CSMD1: variants seen among roughly 807,000 people sequenced by gnomAD.
The protein encoded by CSMD1 is CUB and sushi domain-containing protein 1.
In CSMD1, 213 loss-of-function variants were observed where a neutral mutation model predicts 417.5. That is an observed-to-expected ratio of 0.51 (90% CI 0.46 to 0.57). The LOEUF (loss-of-function observed/expected upper bound fraction) is 0.57, where lower values mean the gene tolerates loss of function less well. Ranked by LOEUF, CSMD1 falls within the 20% of genes least tolerant of loss-of-function variation. The pLI is 0.00. For missense variants in CSMD1, 6,923 were observed against 4,529.7 expected (o/e 1.53, Z -15.17); for synonymous variants, 2,862 against 1,736.8 (o/e 1.65, Z -16.11).
At chr8:4,375,365 G>C (rs1477537845) in intron 3 of CSMD1, among the ~76,000 whole-genome samples, 2 of 152,032 alleles carry the variant, frequency 1.3e-5, no homozygotes, top group South Asian at 2.1e-4. Flanking sequence ...ATCCACACAG[G>C]GGCACTTTTG....
chr8:4,154,598 GA>G (rs1335888374), intron 3 of CSMD1, among the ~76,000 whole-genome samples: 1 of 152,158 alleles, frequency 6.6e-6, no homozygotes, highest in Non-Finnish European at 1.5e-5. Flanking sequence ...TTGGCAATAG[GA>G]ATGCATGAGC....
chr8:3,793,062 C>A (rs1008204535), intron 5 of CSMD1, among the ~76,000 whole-genome samples: 5 of 152,026 alleles, frequency 3.3e-5, no homozygotes, highest in African/African-American at 9.7e-5. Context: ...AGTAAAACAC[C>A]CAAAAGAGTA....
At chr8:3,244,379 C>G (rs957555313) in intron 26 of CSMD1, among the ~76,000 whole-genome samples, 19 of 152,140 alleles carry the variant, frequency 1.2e-4, no homozygotes, top group African/African-American at 4.3e-4. Flanking sequence ...GACGTGTCCT[C>G]CCCCATTACC....
intron 5 of CSMD1, among the ~76,000 whole-genome samples, chr8:3,970,686 GTATATT>G (rs1476996939): frequency 5.3e-5 from 8 of 152,142 alleles, no homozygotes; most frequent in African/African-American, 1.9e-4. Context: ...CTAATAAAAT[GTATATT>G]TATATGTCCA....
At chr8:3,355,971 G>A (rs571419148) in intron 21 of CSMD1, among the ~76,000 whole-genome samples, 5 of 152,128 alleles carry the variant, frequency 3.3e-5, no homozygotes, top group Non-Finnish European at 4.4e-5. Context: ...TCATCAGGTT[G>A]AAAAAAACCC....
chr8:3,538,746 G>C (rs1293398480), intron 10 of CSMD1, among the ~76,000 whole-genome samples: 1 of 152,188 alleles, frequency 6.6e-6, no homozygotes, highest in Non-Finnish European at 1.5e-5. Context: ...TTCATCAGCA[G>C]TCACACAGCT....
chr8:3,919,478 G>C (rs1809076141), intron 5 of CSMD1, among the ~76,000 whole-genome samples: 1 of 151,972 alleles, frequency 6.6e-6, no homozygotes. Flanking sequence ...TTTCTATTCT[G>C]TATTATTGGT....
At chr8:3,873,422 A>G (rs1805613714) in intron 5 of CSMD1, among the ~76,000 whole-genome samples, 1 of 152,182 alleles carries the variant, frequency 6.6e-6, no homozygotes, top group Admixed American at 6.5e-5. Context: ...ATGGAACTGG[A>G]GGCCATTATC....
intron 5 of CSMD1, among the ~76,000 whole-genome samples, chr8:3,788,774 A>C (rs1799576699): frequency 6.6e-6 from 1 of 152,220 alleles, no homozygotes; most frequent in South Asian, 2.1e-4. Context: ...GAATGTGTGC[A>C]TAAGAGAGTG....
chr8:3,243,936 T>C (rs983019410), intron 26 of CSMD1, among the ~76,000 whole-genome samples: 1 of 152,164 alleles, frequency 6.6e-6, no homozygotes, highest in African/African-American at 2.4e-5. Flanking sequence ...ATGTAAAATT[T>C]TATTTGTTGA....
intron 50 of CSMD1, among the ~76,000 whole-genome samples, chr8:3,033,293 T>A (rs1342252361): frequency 6.6e-6 from 1 of 152,094 alleles, no homozygotes; most frequent in Non-Finnish European, 1.5e-5. Context: ...ATAAAATTGT[T>A]GATAATCTAC....
chr8:4,405,699 G>C (rs148310236), intron 3 of CSMD1, among the ~76,000 whole-genome samples: 1 of 152,208 alleles, frequency 6.6e-6, no homozygotes, highest in Non-Finnish European at 1.5e-5. Flanking sequence ...AAAACAGGAT[G>C]TGTCTATTGC....
intron 1 of CSMD1, among the ~76,000 whole-genome samples, chr8:4,840,155 T>C (rs1041368155): frequency 6.6e-6 from 1 of 152,290 alleles, no homozygotes; most frequent in African/African-American, 2.4e-5. Context: ...AAGGCTGTTA[T>C]GCACATCACC....
chr8:3,357,475 T>A (rs1191415876), intron 21 of CSMD1, among the ~76,000 whole-genome samples: 1 of 152,228 alleles, frequency 6.6e-6, no homozygotes, highest in Non-Finnish European at 1.5e-5. Flanking sequence ...CACTGTTTAA[T>A]AAATAGTACC....
At position 4,822,416 on chromosome 8, in the gene CSMD1, G is replaced by C. The variant is rs200230932; in HGVS notation, c.85+171916C>G. ...CCTAGTTTGATGATTTTTTTAAAAA[G>C]ATAATCTATATGCCTTTAAGAGGAT... On this transcript the variant is annotated intron_variant, in intron 1 of 69. Transcript: ENST00000635120. Among the ~76,000 whole-genome samples, 6 of 152,174 alleles carry C rather than the reference G, an allele frequency of 3.9e-5. No homozygotes were observed. The East Asian group carries it at 1.2e-3, about 29-fold the overall frequency.
At chr8:3,850,131 G>T (rs908158256) in intron 5 of CSMD1, among the ~76,000 whole-genome samples, 1 of 152,198 alleles carries the variant, frequency 6.6e-6, no homozygotes, top group Non-Finnish European at 1.5e-5. Flanking sequence ...GGGCGATGTC[G>T]CCATTCTTAG....
intron 10 of CSMD1, among the ~76,000 whole-genome samples, chr8:3,518,507 G>C (rs953215193): frequency 2.0e-5 from 3 of 152,108 alleles, no homozygotes; most frequent in Non-Finnish European, 2.9e-5. Context: ...CAAAGAATCA[G>C]AAAAATGACT....
At chr8:2,982,304 C>T (rs1455018747) in intron 54 of CSMD1, among the ~76,000 whole-genome samples, 1 of 152,106 alleles carries the variant, frequency 6.6e-6, no homozygotes, top group Non-Finnish European at 1.5e-5. Flanking sequence ...TGCAGTGAGC[C>T]GAGATCATGC....
At chr8:4,450,961 AGT>A in intron 2 of CSMD1, among the ~76,000 whole-genome samples, 1 of 152,096 alleles carries the variant, frequency 6.6e-6, no homozygotes, top group African/African-American at 2.4e-5. Flanking sequence ...TAAGATCTAC[AGT>A]AACGTATTAT....
Sources: gnomAD v4.1 joint callset for allele counts (sites outside exome capture counted in the v4.1 genomes callset) on GRCh38, gnomAD v4.1.1 for gene constraint, MANE v1.5 for transcripts, NCBI Gene and HGNC (gene_info 2026-07-23, HGNC 2026-07-21) for gene names.